PLK4: variants seen among roughly 807,000 people sequenced by gnomAD.
PLK4 encodes serine/threonine-protein kinase PLK4.
PLK4 carries 51 observed loss-of-function variants against 103.0 expected under a neutral mutation model. The observed-to-expected ratio is 0.50, with a 90% CI of 0.40 to 0.63. PLK4 has a LOEUF of 0.63. PLK4 is among the 20% of genes least tolerant of loss of function. PLK4 has a pLI of 0.00. For missense variants in PLK4, 1,054 were observed against 1,151.0 expected (o/e 0.92, Z 1.22); for synonymous variants, 389 against 376.8 (o/e 1.03, Z -0.38).
In PLK4 at chr4:127,881,931, G is replaced by C. The variant is rs370443589; in HGVS notation, c.126+5G>C. On this transcript the variant is annotated splice_donor_5th_base_variant and intron_variant, in intron 2 of 15. Coordinates refer to ENST00000270861, the MANE Select transcript of PLK4 (RefSeq NM_014264.5). ...TTGGAAGTTGCAATCAAAATGGTAA[G>C]AATAAACTAATCAACTTCTCTCCTG... 241 of 1,489,208 alleles carry C rather than the reference G, an allele frequency of 1.6e-4. 1 individual carries two copies. The highest frequency in any genetic ancestry group is 2.2e-4 in the Non-Finnish European group (235 of 1,066,076). The allele number at this position is 1,489,208 out of a possible 1,614,324, so 92.2% of individuals were successfully genotyped here. A position where few individuals can be genotyped will look rare whatever the true frequency, so the allele number is the denominator to read the frequency against.
rs764246405 is a variant in PLK4 at position 127,893,743 on chromosome 4, T to A, written c.2424T>A (p.Gly808=). ...FFPIIIGRKP[G]STSSPKALSP... ...GACTTTTCCCCTTCAGAAAACCTGGTAGTACTAGTTCACCTAAGGCCTTAT... is the reference window on the plus strand; with the variant it reads ...GACTTTTCCCCTTCAGAAAACCTGGAAGTACTAGTTCACCTAAGGCCTTAT... The change falls in exon 13 of 16, where the codon GGT becomes GGA. Residue 808 remains glycine (G), a synonymous_variant. Transcript: ENST00000270861. 6 of 1,608,412 alleles carry A rather than the reference T, an allele frequency of 3.7e-6. No individual in the cohort carries two copies. The African/African-American group carries it at 6.7e-5, about 18-fold the overall frequency.
At chr4:127,882,279 T>C (rs1456640731) in intron 2 of PLK4, among the ~76,000 whole-genome samples, 2 of 152,206 alleles carry the variant, frequency 1.3e-5, no homozygotes, top group Non-Finnish European at 1.5e-5. Flanking sequence ...TTATTCTTGA[T>C]TGTTAGAAGT....
intron 4 of PLK4, among the ~76,000 whole-genome samples, chr4:127,884,967 G>A (rs962123663): frequency 3.3e-5 from 5 of 151,620 alleles, no homozygotes; most frequent in African/African-American, 9.7e-5. Context: ...TTGATTACTT[G>A]GGAAAGTTTG....
Position 127,885,739 on chromosome 4 carries a change from G to A in PLK4, c.369G>A (p.Gly123=), listed in dbSNP as rs1735097178. 1 of 1,613,002 alleles carries A rather than the reference G, an allele frequency of 6.2e-7. No homozygotes were observed. Among genetic ancestry groups the A allele is most frequent in the Non-Finnish European group, 8.5e-7 (1 of 1,179,550 alleles). The change falls in exon 5 of 16, where the codon GGG becomes GGA. Residue 123 remains glycine (G), a synonymous_variant. Transcript: ENST00000270861. The stretch of plus-strand genomic sequence containing the variant: ...ACTTCATGCACCAGATCATCACAGG[G>A]ATGTTGTATCTTCATTCTCATGGTA... ...ARHFMHQIIT[G]MLYLHSHGIL...
intron 2 of PLK4, among the ~76,000 whole-genome samples, chr4:127,882,841 G>C (rs1217939018): frequency 6.6e-6 from 1 of 152,024 alleles, no homozygotes; most frequent in Non-Finnish European, 1.5e-5. Flanking sequence ...GATAGATTGT[G>C]CCTGGGAGGT....
At chr4:127,887,264 A>G in intron 5 of PLK4, 132 bp from the exon 6 acceptor site, 1 of 602,970 alleles carries the variant, frequency 1.7e-6, no homozygotes, top group South Asian at 2.2e-5. Flanking sequence ...TTATGCCAAT[A>G]TTGTTTTCTA....
chr4:127,883,263 T>G lies in PLK4; in HGVS notation c.128T>G (p.Ile43Arg), dbSNP rs1483997825. The G allele has an allele frequency of 6.7e-7, 1 of 1,498,714 alleles. No homozygotes were observed. Among genetic ancestry groups the G allele is most frequent in the East Asian group, 2.3e-5 (1 of 44,292 alleles). 92.8% of individuals were successfully genotyped at this position (1,498,714 alleles called of 1,614,324 possible). Residue 43 changes from isoleucine to arginine, a missense_variant and splice_region_variant, in exon 3 of 16, where the codon ATA becomes AGA. Physicochemically the swap from Ile to Arg is moderately conservative, Grantham distance 97. Coordinates refer to ENST00000270861, the MANE Select transcript of PLK4 (RefSeq NM_014264.5). ...HTGLEVAIKM[I>R]DKKAMYKAGM... The stretch of plus-strand genomic sequence containing the variant: ...AACATTTAAACCTGTTATTTTTAGA[T>G]AGATAAGAAAGCCATGTACAAAGCA...
At chr4:127,895,366 T>C (rs998570087) in intron 14 of PLK4, among the ~76,000 whole-genome samples, 9 of 152,030 alleles carry the variant, frequency 5.9e-5, no homozygotes, top group African/African-American at 2.2e-4. Context: ...GTCATGATAA[T>C]TACTAATTGT....
intron 13 of PLK4, among the ~76,000 whole-genome samples, chr4:127,894,618 T>G (rs1302300471): frequency 6.6e-6 from 1 of 152,160 alleles, no homozygotes; most frequent in East Asian, 1.9e-4. Context: ...TTAATGAACA[T>G]GGCGATGAAG....
At chr4:127,898,304 A>G in intron 15 of PLK4, 135 bp from the exon 16 acceptor site, 1 of 562,550 alleles carries the variant, frequency 1.8e-6, no homozygotes, top group Non-Finnish European at 3.1e-6. Flanking sequence ...TATCTAATAA[A>G]TAATTGTTAT....
chr4:127,896,712 C>A, intron 14 of PLK4, 89 bp from the exon 15 acceptor site: 1 of 664,838 alleles, frequency 1.5e-6, no homozygotes, highest in Non-Finnish European at 2.6e-6. Context: ...GAACCACAAA[C>A]CCTCTACTGT....
At chr4:127,898,297 C>G (rs1735653158) in intron 15 of PLK4, 142 bp from the exon 16 acceptor site, 1 of 546,328 alleles carries the variant, frequency 1.8e-6, no homozygotes, top group African/African-American at 2.0e-5. Flanking sequence ...ATTTAGGTAT[C>G]TAATAAATAA....
At chr4:127,890,762 T>G (rs1033676284) in intron 7 of PLK4, among the ~76,000 whole-genome samples, 2 of 152,158 alleles carry the variant, frequency 1.3e-5, no homozygotes, top group Non-Finnish European at 2.9e-5. Context: ...TATCCTGTTG[T>G]TTGTTCCCAT....
At chr4:127,881,616 T>TC (rs936149026) in intron 1 of PLK4, among the ~76,000 whole-genome samples, 1 of 152,100 alleles carries the variant, frequency 6.6e-6, no homozygotes, top group Non-Finnish European at 1.5e-5. Context: ...GGGTGCACCA[T>TC]CACCCTGAGC....
rs560967116 is a variant in PLK4 at position 127,886,215 on chromosome 4, CAATT to C, written c.846_849del (p.Asp284ValfsTer18). On this transcript the variant is annotated frameshift_variant, in exon 5 of 16. Transcript: ENST00000270861. LOFTEE classifies it high-confidence loss of function. The stretch of plus-strand genomic sequence containing the variant: ...AAAGATTTAGGAACTGTGGAAGACT[CAATT>C]GATAGTGGGCATGCCACAATTTCTA... The C allele has an allele frequency of 6.2e-7, 1 of 1,614,124 alleles. No homozygotes were observed. Among genetic ancestry groups the C allele is most frequent in the Non-Finnish European group, 8.5e-7 (1 of 1,180,008 alleles).
intron 8 of PLK4, 26 bp from the exon 9 acceptor site, chr4:127,891,553 A>T: frequency 9.3e-7 from 1 of 1,079,474 alleles, no homozygotes; most frequent in Non-Finnish European, 1.4e-6. Flanking sequence ...GCATGTAATT[A>T]GAATTTTAAA....
Position 127,896,889 on chromosome 4 carries a change from C to T in PLK4, c.2792C>T (p.Pro931Leu). 6.3e-7 allele frequency: 1 copy of T among 1,597,134 alleles called. No individual in the cohort carries two copies. The highest frequency in any genetic ancestry group is 8.6e-7 in the Non-Finnish European group (1 of 1,165,418). ...GTGTCTTCTATCAGTTATACCTCACCAAATGGTCAAACAACTAGGTAAGTT... is the reference window on the plus strand; with the variant it reads ...GTGTCTTCTATCAGTTATACCTCACTAAATGGTCAAACAACTAGGTAAGTT... ...AGVSSISYTS[P>L]NGQTTRYGEN... Residue 931 changes from proline to leucine, a missense_variant, in exon 15 of 16, where the codon CCA (proline) becomes CTA (leucine). Pro to Leu is a moderately conservative substitution (Grantham distance 98). Transcript: ENST00000270861.
Position 127,881,165 on chromosome 4 carries a change from G to T in PLK4, c.30+1G>T. 1 of 1,614,036 alleles carries T rather than the reference G, an allele frequency of 6.2e-7. No individual in the cohort carries two copies. Among genetic ancestry groups the T allele is most frequent in the Non-Finnish European group, 8.5e-7 (1 of 1,180,020 alleles). ...GACCTGCATCGGGGAGAAGATCGAG[G>T]TGAAAAGACTCGGCAGTCTGCAGCG... On this transcript the variant is annotated splice_donor_variant, in intron 1 of 15. Transcript: ENST00000270861. LOFTEE classifies it high-confidence loss of function.
chr4:127,885,971 T>C lies in PLK4; in HGVS notation c.601T>C (p.Phe201Leu). Residue 201 changes from phenylalanine to leucine, a missense_variant, in exon 5 of 16, where the codon TTT becomes CTT. By Grantham distance (22) the Phe-to-Leu change is conservative. Around this residue, in one of 4 missense-constraint regions of PLK4, gnomAD observed 199 missense variants for 270.1 expected, o/e 0.74. Coordinates refer to ENST00000270861, the MANE Select transcript of PLK4 (RefSeq NM_014264.5). ...TGATGTTTGGTCCCTGGGCTGTATG[T>C]TTTATACATTACTTATCGGGAGACC... ...ESDVWSLGCM[F>L]YTLLIGRPPF... 1 of 1,614,176 alleles carries C rather than the reference T, an allele frequency of 6.2e-7. No individual in the cohort carries two copies. The highest frequency in any genetic ancestry group is 1.1e-5 in the South Asian group (1 of 91,084).
Sources: allele counts gnomAD v4.1 joint callset (sites outside exome capture counted in the v4.1 genomes callset), GRCh38; gene constraint gnomAD v4.1.1; regional missense constraint gnomAD v4.1.1; transcripts MANE v1.5; gene names NCBI Gene and HGNC (gene_info 2026-07-23, HGNC 2026-07-21).